OSBP2: variants seen among roughly 807,000 people sequenced by gnomAD.
OSBP2 encodes oxysterol binding protein 2.
A neutral mutation model predicts 96.0 loss-of-function variants in OSBP2; 66 were observed. The observed-to-expected ratio is 0.69, with a 90% CI of 0.56 to 0.84. OSBP2 has a LOEUF of 0.84. Ranked by LOEUF, OSBP2 falls within the 40% of genes least tolerant of loss-of-function variation. The probability of loss-of-function intolerance (pLI) is 0.00; values close to 1 mark genes in which losing one functional copy is unlikely to be tolerated. For synonymous variants in OSBP2, 525 were observed against 520.9 expected (o/e 1.01, Z -0.11); for missense variants, 1,038 against 1,222.7 (o/e 0.85, Z 2.25).
At chr22:30,781,195 T>G (rs1184842535) in intron 2 of OSBP2, among the ~76,000 whole-genome samples, 1 of 150,976 alleles carries the variant, frequency 6.6e-6, no homozygotes, top group Non-Finnish European at 1.5e-5. Flanking sequence ...TTGTGCAGGC[T>G]GGTCCTGAAC....
intron 2 of OSBP2, among the ~76,000 whole-genome samples, chr22:30,828,114 G>C (rs112896789): frequency 4.6e-5 from 7 of 152,314 alleles, no homozygotes; most frequent in African/African-American, 1.7e-4. Context: ...CGAGCCTGGG[G>C]AATACAGAGA....
intron 2 of OSBP2, 137 bp downstream of exon 2, chr22:30,741,506 C>CA (rs1468163517): frequency 3.1e-6 from 2 of 652,434 alleles, no homozygotes; most frequent in African/African-American, 1.8e-5. Context: ...GGTCAAGGTG[C>CA]GTGCATGTTC....
At chr22:30,880,041 C>G (rs2039667993) in intron 3 of OSBP2, among the ~76,000 whole-genome samples, 1 of 151,650 alleles carries the variant, frequency 6.6e-6, no homozygotes, top group South Asian at 2.1e-4. Context: ...AAGAGCAAGA[C>G]TCTGTCTCAA....
intron 2 of OSBP2, among the ~76,000 whole-genome samples, chr22:30,777,877 T>C (rs548329817): frequency 6.6e-6 from 1 of 152,302 alleles, no homozygotes; most frequent in African/African-American, 2.4e-5. Context: ...ATCGATGCTC[T>C]GTCTTTTGGA....
chr22:30,873,305 C>T (rs1461613804), intron 3 of OSBP2, among the ~76,000 whole-genome samples: 4 of 152,150 alleles, frequency 2.6e-5, no homozygotes, highest in Non-Finnish European at 5.9e-5. Context: ...CCTGCTGTGG[C>T]TACACACCAA....
At chr22:30,795,166 C>T (rs781298703) in intron 2 of OSBP2, among the ~76,000 whole-genome samples, 41 of 152,152 alleles carry the variant, frequency 2.7e-4, no homozygotes, top group Non-Finnish European at 4.1e-4. Context: ...CTGCCTCAGC[C>T]TCCCAAAGTG....
In OSBP2 at chr22:30,837,391, C is replaced by T. The variant is rs561223415; in HGVS notation, c.854-33038C>T. ...AGTGATGCAGAAGCATGGAAAACCACTGAGACCCCTTTTGCTGGGGTCCCG... is the reference window on the plus strand; with the variant it reads ...AGTGATGCAGAAGCATGGAAAACCATTGAGACCCCTTTTGCTGGGGTCCCG... On this transcript the variant is annotated intron_variant, in intron 2 of 13. Transcript: ENST00000332585. Among the ~76,000 whole-genome samples the T allele has an allele frequency of 2.0e-5, 3 of 152,252 alleles. No homozygotes were observed. In the South Asian group the frequency reaches 6.2e-4, roughly 32 times the overall value.
chr22:30,791,119 G>A (rs1602268671), intron 2 of OSBP2, among the ~76,000 whole-genome samples: 1 of 151,562 alleles, frequency 6.6e-6, no homozygotes, highest in East Asian at 1.9e-4. Context: ...AAGTAGCTGA[G>A]TGCCCACCAC....
chr22:30,711,412 A>G (rs972519843), intron 1 of OSBP2, among the ~76,000 whole-genome samples: 1 of 152,034 alleles, frequency 6.6e-6, no homozygotes, highest in Admixed American at 6.6e-5. Context: ...TAAAGATAGA[A>G]TATATTATCA....
At chr22:30,752,435 A>G (rs2090089017) in intron 2 of OSBP2, among the ~76,000 whole-genome samples, 1 of 150,618 alleles carries the variant, frequency 6.6e-6, no homozygotes. Context: ...AGTAGCTGGG[A>G]CTACAGGCGC....
Position 30,819,827 on chromosome 22 carries a change from CAGTG to C in OSBP2, c.854-50601_854-50598del, listed in dbSNP as rs1390609218. Among the ~76,000 whole-genome samples the C allele has an allele frequency of 1.1e-4, 16 of 152,126 alleles. 1 individual carries two copies. Among genetic ancestry groups the C allele is most frequent in the Non-Finnish European group, 1.5e-5 (1 of 68,040 alleles). The stretch of plus-strand genomic sequence containing the variant: ...ATGGCTCTGGATGAGAGTGAATAGA[CAGTG>C]GGGCTAAGAAAGAAGTTCAGTGACA... On this transcript the variant is annotated intron_variant, in intron 2 of 13. Transcript: ENST00000332585.
intron 1 of OSBP2, among the ~76,000 whole-genome samples, chr22:30,721,420 T>A (rs540553800): frequency 3.3e-5 from 5 of 152,302 alleles, no homozygotes; most frequent in Admixed American, 6.5e-5. Flanking sequence ...GCCTGGCCTG[T>A]GGCAGGCCCT....
chr22:30,890,799 C>T lies in OSBP2; in HGVS notation c.1695C>T (p.Asp565=). 6.2e-7 allele frequency: 1 copy of T among 1,613,608 alleles called. No individual in the cohort carries two copies. Among genetic ancestry groups the T allele is most frequent in the Non-Finnish European group, 8.5e-7 (1 of 1,179,996 alleles). ...ACCTGGAGTACCACCACCTGCTGGACAAGGCAGTGCACTGCACCAGCTCAG... is the reference window on the plus strand; with the variant it reads ...ACCTGGAGTACCACCACCTGCTGGATAAGGCAGTGCACTGCACCAGCTCAG... ...TEDLEYHHLL[D]KAVHCTSSVE... is the part of the protein sequence containing the mutation. The change falls in exon 8 of 14, where the codon GAC becomes GAT. Residue 565 remains aspartate, a synonymous_variant. Transcript: ENST00000332585. The surrounding 1 kb of genome is among the most constrained non-coding windows in gnomAD (Gnocchi z 4.4).
intron 1 of OSBP2, among the ~76,000 whole-genome samples, chr22:30,699,377 G>A (rs2089119726): frequency 6.6e-6 from 1 of 152,176 alleles, no homozygotes; most frequent in Admixed American, 6.6e-5. Context: ...GCATTTTCCT[G>A]ATGATGGGTC....
chr22:30,807,334 G>A (rs768319768), intron 2 of OSBP2, among the ~76,000 whole-genome samples: 3 of 152,198 alleles, frequency 2.0e-5, no homozygotes, highest in African/African-American at 4.8e-5. Context: ...AAGCCGTGCT[G>A]CCACTGCCCT....
intron 12 of OSBP2, among the ~76,000 whole-genome samples, chr22:30,900,226 C>T (rs182680187): frequency 6.6e-6 from 1 of 151,548 alleles, no homozygotes; most frequent in East Asian, 1.9e-4. Context: ...TGCACTCCAG[C>T]CTGGGCAACA....
intron 3 of OSBP2, among the ~76,000 whole-genome samples, chr22:30,885,295 G>A (rs1383111299): frequency 1.3e-5 from 2 of 152,106 alleles, no homozygotes; most frequent in African/African-American, 2.4e-5. Flanking sequence ...CCAAGGAAAC[G>A]TCCCTTCCTA....
chr22:30,886,663 A>G (rs1199745132), intron 3 of OSBP2, among the ~76,000 whole-genome samples: 1 of 152,230 alleles, frequency 6.6e-6, no homozygotes, highest in African/African-American at 2.4e-5. Flanking sequence ...ATGTTATGCC[A>G]GAGTCAGGTT....
intron 2 of OSBP2, among the ~76,000 whole-genome samples, chr22:30,764,011 G>A (rs1294746860): frequency 1.3e-5 from 2 of 152,206 alleles, no homozygotes; most frequent in Non-Finnish European, 2.9e-5. Flanking sequence ...AGGTTGGCTG[G>A]CTTGCAACAA....
Sources: allele counts gnomAD v4.1 joint callset (sites outside exome capture counted in the v4.1 genomes callset), GRCh38; gene constraint gnomAD v4.1.1; non-coding constraint Gnocchi (gnomAD v3.1); transcripts MANE v1.5; gene names NCBI Gene and HGNC (gene_info 2026-07-23, HGNC 2026-07-21).